The following ARHGAP11B variants were observed in gnomAD, a reference collection of about 807,000 sequenced individuals.
ARHGAP11B encodes the protein inactive Rho GTPase-activating protein 11B.
Under a neutral mutation model 27.6 loss-of-function variants are expected in ARHGAP11B, and 14 were observed. That is an observed-to-expected ratio of 0.51 (90% CI 0.34 to 0.79). The LOEUF (loss-of-function observed/expected upper bound fraction) is 0.79. ARHGAP11B is among the 30% of genes least tolerant of loss of function. The pLI is 0.02. For missense variants in ARHGAP11B, 245 were observed against 320.1 expected, an observed-to-expected ratio of 0.77 and a Z score of 1.79; for synonymous variants, 82 against 114.1, an observed-to-expected ratio of 0.72 and a Z score of 1.80.
Position 30,648,773 on chromosome 15 carries a change from G to A in ARHGAP11B, c.*841G>A, listed in dbSNP as rs2060367833. ...AAGGATTTTGTGAATTGTGGCAGTG[G>A]TATAATAATTATTCTTCGATGCTGG... On this transcript the variant is annotated 3_prime_UTR_variant, in exon 11 of 11. Transcript: ENST00000428041. The A allele has an allele frequency of 4.6e-5, 7 of 151,928 alleles. 1 individual carries two copies. In the South Asian group the frequency reaches 1.2e-3, roughly 27 times the overall value. The allele number at this position is 151,928 out of a possible 1,614,324, so 9.4% of individuals were successfully genotyped here.
exon 4 of ARHGAP11B, chr15:30,634,246 T>C (rs2060264312): frequency 6.2e-7 from 1 of 1,612,342 alleles, no homozygotes; most frequent in Admixed American, 1.7e-5. Context: ...AAGCAGTTTT[T>C]TAGGGAACTG....
chr15:30,634,943 A>G (rs2060269464), intron 4 of ARHGAP11B, 137 bp from the exon 5 acceptor site: 5 of 799,280 alleles, frequency 6.3e-6, no homozygotes, highest in Non-Finnish European at 4.0e-6. Flanking sequence ...GTTCAAGCCA[A>G]TCATGTAGAT....
intron 8 of ARHGAP11B, among the ~76,000 whole-genome samples, chr15:30,645,016 T>C (rs1010918162): frequency 6.6e-6 from 1 of 151,790 alleles, no homozygotes; most frequent in Non-Finnish European, 1.5e-5. Context: ...ATTTCCACCA[T>C]TTATGGCAGG....
chr15:30,641,184 AC>A (rs1401464148), intron 7 of ARHGAP11B, among the ~76,000 whole-genome samples: 1 of 151,968 alleles, frequency 6.6e-6, no homozygotes, highest in Non-Finnish European at 1.5e-5. Context: ...CTTTTCTTTG[AC>A]CCTACTTTCT....
exon 1 of ARHGAP11B, chr15:30,626,860 C>T (rs761540412): frequency 3.1e-6 from 5 of 1,613,688 alleles, no homozygotes; most frequent in Middle Eastern, 1.7e-4. Flanking sequence ...CCTGTTGCAG[C>T]ATCTGCGGGC....
At chr15:30,636,484 C>T (rs996069991) in intron 6 of ARHGAP11B, among the ~76,000 whole-genome samples, 2 of 151,966 alleles carry the variant, frequency 1.3e-5, no homozygotes, top group Non-Finnish European at 2.9e-5. Flanking sequence ...AATATCAGAA[C>T]CAAATGTTAC....
At chr15:30,646,149 AAT>A in exon 9 of ARHGAP11B, 3 of 1,053,418 alleles carry the variant, frequency 2.8e-6, no homozygotes. Context: ...CCAAGATTGG[AAT>A]GACTTTTTGT....
At chr15:30,627,841 G>C (rs994161752) in intron 1 of ARHGAP11B, among the ~76,000 whole-genome samples, 1 of 151,950 alleles carries the variant, frequency 6.6e-6, no homozygotes, top group African/African-American at 2.4e-5. Context: ...AAAAGTGCTT[G>C]GAGAAGAAAA....
At chr15:30,636,802 G>A (rs749203706) in intron 6 of ARHGAP11B, among the ~76,000 whole-genome samples, 28 of 152,182 alleles carry the variant, frequency 1.8e-4, no homozygotes, top group East Asian at 1.9e-4. Context: ...GCTTGCAGCC[G>A]CGTCACTCCA....
At chr15:30,635,356 C>A in intron 5 of ARHGAP11B, 131 bp from the exon 6 acceptor site, 1 of 1,417,070 alleles carries the variant, frequency 7.1e-7, no homozygotes, top group Non-Finnish European at 9.6e-7. Context: ...CTGACCTCAC[C>A]CCCACCCTAC....
chr15:30,643,199 C>A (rs560728067), intron 7 of ARHGAP11B, among the ~76,000 whole-genome samples: 12 of 151,724 alleles, frequency 7.9e-5, no homozygotes, highest in African/African-American at 2.7e-4. Flanking sequence ...CCCCCTTAGT[C>A]TCATATAATC....
In ARHGAP11B at chr15:30,628,389, C is replaced by G. The variant is rs999919087; in HGVS notation, c.129+1440C>G. ...AGCCACTGCACCTGTCCTTTTCACC[C>G]CTTAACAAGAAAAACTGTTGCCTGT... On this transcript the variant is annotated intron_variant, in intron 1 of 10. Coordinates refer to ENST00000428041, the Ensembl canonical transcript of ARHGAP11B. Among the ~76,000 whole-genome samples the G allele has an allele frequency of 2.6e-5, 4 of 151,964 alleles. 1 individual carries two copies. The highest frequency in any genetic ancestry group is 5.9e-5 in the Non-Finnish European group (4 of 67,960).
Position 30,627,134 on chromosome 15 carries a change from G to A in ARHGAP11B, c.129+185G>A, listed in dbSNP as rs185666412. 4.8e-4 allele frequency among the ~76,000 whole-genome samples: 73 copies of A among 151,706 alleles called. 1 individual carries two copies. Among genetic ancestry groups the A allele is most frequent in the African/African-American group, 1.8e-3 (73 of 41,434 alleles). On this transcript the variant is annotated intron_variant, in intron 1 of 10. Coordinates refer to ENST00000428041, the Ensembl canonical transcript of ARHGAP11B. ...CATTCTTGTTTTTTTTTTCCCCAAG[G>A]ATTTTTGATCATTGAGAGAAAGTTG...
At chr15:30,648,644 TA>T (rs1319963050) in exon 11 of ARHGAP11B, among the ~76,000 whole-genome samples, 1 of 152,094 alleles carries the variant, frequency 6.6e-6, no homozygotes, top group Non-Finnish European at 1.5e-5. Flanking sequence ...TCTTAGTGGG[TA>T]TTTCACTTAC....
chr15:30,647,396 T>C (rs1203930710), intron 9 of ARHGAP11B, among the ~76,000 whole-genome samples: 1 of 151,922 alleles, frequency 6.6e-6, no homozygotes, highest in Middle Eastern at 3.2e-3. Context: ...TTAAGGTTAC[T>C]TTTTTCGATA....
At chr15:30,634,133 G>T in intron 3 of ARHGAP11B, 37 bp from the exon 4 acceptor site, 1 of 1,605,634 alleles carries the variant, frequency 6.2e-7, no homozygotes, top group Non-Finnish European at 8.5e-7. Flanking sequence ...AAACTCTTAA[G>T]TTGCCAAAAT....
At chr15:30,626,590 A>C (rs1364889306) in exon 1 of ARHGAP11B, 1 of 552,980 alleles carries the variant, frequency 1.8e-6, no homozygotes, top group Non-Finnish European at 3.1e-6. Context: ...AGGAAGAGTG[A>C]GGTGTGGCTG....
At position 30,639,729 on chromosome 15, in the gene ARHGAP11B, C is replaced by T. The variant is rs183161829; in HGVS notation, c.*78+909C>T. 4.6e-3 allele frequency among the ~76,000 whole-genome samples: 705 copies of T among 152,098 alleles called. 8 individuals are homozygous for T. Among genetic ancestry groups the T allele is most frequent in the African/African-American group, 0.016 (684 of 41,528 alleles). On this transcript the variant is annotated intron_variant, in intron 7 of 10. Coordinates refer to ENST00000428041, the Ensembl canonical transcript of ARHGAP11B. ...GTAAGAAAAGGAAGTCCATCAAGCA[C>T]AATTTTAACTTTGAGCTGTTGCCAA...
intron 1 of ARHGAP11B, 81 bp downstream of exon 1, chr15:30,627,030 T>C: frequency 1.3e-6 from 2 of 1,577,266 alleles, no homozygotes; most frequent in Non-Finnish European, 1.7e-6. Context: ...CGTGCTAAAA[T>C]GTTCACTCTG....
Sources: allele counts gnomAD v4.1 joint callset (sites outside exome capture counted in the v4.1 genomes callset), GRCh38; gene constraint gnomAD v4.1.1; transcripts MANE v1.5; gene names NCBI Gene and HGNC (gene_info 2026-07-23, HGNC 2026-07-21).